The following G2E3 variants were observed in gnomAD, a reference collection of about 807,000 sequenced individuals.
G2E3 encodes the protein G2/M-phase specific E3 ubiquitin protein ligase.
A neutral mutation model predicts 92.8 loss-of-function variants in G2E3; 35 were observed. The ratio of observed to expected loss-of-function variants is 0.38; its 90% CI spans 0.29 to 0.50. The LOEUF is 0.50. Ranked by LOEUF, G2E3 falls within the 20% of genes least tolerant of loss-of-function variation. The probability of loss-of-function intolerance (pLI) is 0.94; values close to 1 mark genes in which losing one functional copy is unlikely to be tolerated. For missense variants in G2E3, 554 were observed against 823.8 expected, an observed-to-expected ratio of 0.67 and a Z score of 4.01; for synonymous variants, 242 against 272.4, an observed-to-expected ratio of 0.89 and a Z score of 1.10.
intron 1 of G2E3, among the ~76,000 whole-genome samples, chr14:30,564,721 G>A (rs979577354): frequency 1.8e-4 from 27 of 148,772 alleles, no homozygotes; most frequent in African/African-American, 6.3e-4. Flanking sequence ...TCCAAAACAT[G>A]TAACCTTTTA....
chr14:30,612,495 T>G, intron 13 of G2E3, 116 bp downstream of exon 13: 1 of 652,532 alleles, frequency 1.5e-6, no homozygotes, highest in South Asian at 2.3e-5. Context: ...AGAAAAAAAT[T>G]TAAATGCTAT....
At chr14:30,560,790 G>C (rs1879049856) in intron 1 of G2E3, 1 of 702,124 alleles carries the variant, frequency 1.4e-6, no homozygotes, top group Non-Finnish European at 2.6e-6. Flanking sequence ...CTCAGATTCT[G>C]AATCAGTAGG....
chr14:30,595,339 A>G (rs1881227663), intron 6 of G2E3, among the ~76,000 whole-genome samples: 1 of 152,248 alleles, frequency 6.6e-6, no homozygotes, highest in Non-Finnish European at 1.5e-5. Flanking sequence ...TTGGATGAAT[A>G]TAATTGCTGC....
intron 1 of G2E3, among the ~76,000 whole-genome samples, chr14:30,564,593 C>G (rs1251184706): frequency 3.3e-5 from 5 of 152,158 alleles, no homozygotes; most frequent in Non-Finnish European, 7.3e-5. Flanking sequence ...CTCAGCCTCC[C>G]AAAGTGCTGG....
intron 3 of G2E3, among the ~76,000 whole-genome samples, chr14:30,589,114 TTTTCTTTTTC>T (rs753958561): frequency 6.6e-6 from 1 of 152,040 alleles, no homozygotes; most frequent in Non-Finnish European, 1.5e-5. Context: ...CTTTCCTATC[TTTTCTTTTTC>T]TTTCTTTTTC....
rs991209831 is a variant in G2E3, at chr14:30,607,747, C to G, written c.1319-141C>G. The stretch of plus-strand genomic sequence containing the variant: ...TCTTTTTTTATATTTTAGGTAAGAT[C>G]TATATTTTCTACATAATGATAGCTT... On this transcript the variant is annotated intron_variant, in intron 11 of 14. Coordinates refer to ENST00000206595, the MANE Select transcript of G2E3 (RefSeq NM_017769.5). The G allele has an allele frequency of 7.6e-6, 4 of 527,942 alleles. No homozygotes were observed. The South Asian group carries it at 1.1e-4, about 15-fold the overall frequency. The allele number at this position is 527,942 out of a possible 1,614,324, so 32.7% of individuals were successfully genotyped here.
intron 1 of G2E3, among the ~76,000 whole-genome samples, chr14:30,572,327 A>G (rs1879815924): frequency 2.0e-5 from 3 of 152,158 alleles, no homozygotes; most frequent in Admixed American, 2.0e-4. Context: ...ACACTGTTGA[A>G]TCAGAGACTA....
At chr14:30,570,166 G>C (rs1879674025) in intron 1 of G2E3, among the ~76,000 whole-genome samples, 1 of 152,078 alleles carries the variant, frequency 6.6e-6, no homozygotes, top group Admixed American at 6.5e-5. Flanking sequence ...GAACTCTATG[G>C]TTTCAAATGA....
chr14:30,574,263 C>G (rs1406525710), intron 1 of G2E3, among the ~76,000 whole-genome samples: 2 of 152,100 alleles, frequency 1.3e-5, no homozygotes, highest in Non-Finnish European at 2.9e-5. Context: ...ATACCAATTT[C>G]AGGAAACTTA....
intron 5 of G2E3, 100 bp from the exon 6 acceptor site, chr14:30,593,374 C>T: frequency 1.6e-6 from 1 of 613,992 alleles, no homozygotes; most frequent in Non-Finnish European, 2.8e-6. Flanking sequence ...AATTATGAGA[C>T]AGACACAAAT....
intron 11 of G2E3, 80 bp from the exon 12 acceptor site, chr14:30,607,808 G>T: frequency 8.8e-6 from 6 of 677,986 alleles, no homozygotes; most frequent in South Asian, 2.3e-5. Context: ...TAGATTTTTG[G>T]ACTAATTTTT....
intron 4 of G2E3, chr14:30,590,549 A>G (rs905256292): frequency 1.0e-5 from 4 of 392,642 alleles, no homozygotes; most frequent in African/African-American, 2.1e-5. Context: ...ATTAAGGAGG[A>G]TGGAAAAATA....
chr14:30,559,473 T>G (rs2138741398), intron 1 of G2E3: 1 of 152,278 alleles, frequency 6.6e-6, no homozygotes, highest in East Asian at 1.9e-4. Flanking sequence ...CTCTCGACGG[T>G]TGCGCACGCC....
chr14:30,588,192 G>A (rs560080198), intron 3 of G2E3, among the ~76,000 whole-genome samples: 2 of 148,992 alleles, frequency 1.3e-5, no homozygotes, highest in Admixed American at 6.6e-5. Flanking sequence ...TTCCATTTTT[G>A]TAAGTTTATT....
intron 2 of G2E3, among the ~76,000 whole-genome samples, chr14:30,585,533 C>G (rs1463465542): frequency 6.6e-6 from 1 of 151,702 alleles, no homozygotes; most frequent in African/African-American, 2.4e-5. Flanking sequence ...TATGTCACTA[C>G]CACACTGTTT....
At chr14:30,608,189 A>G (rs229230) in intron 12 of G2E3, 120 bp downstream of exon 12, 31,084 of 595,036 alleles carry the variant, frequency 0.052, 1,300 homozygotes, top group African/African-American at 0.16. Flanking sequence ...TTGTAAACAT[A>G]TATTTCTGTT....
chr14:30,601,924 TTTA>T (rs1187902707), intron 9 of G2E3, 30 bp downstream of exon 9: 1 of 1,606,560 alleles, frequency 6.2e-7, no homozygotes, highest in Non-Finnish European at 8.5e-7. Context: ...GAATAAAGTT[TTTA>T]TTCAAATGTA....
intron 4 of G2E3, chr14:30,590,711 A>C (rs1434743010): frequency 4.4e-6 from 2 of 455,954 alleles, no homozygotes; most frequent in South Asian, 3.1e-5. Flanking sequence ...CACAAGGAAG[A>C]ACCGTGGGAG....
rs1469331292 is a variant in G2E3 at position 30,617,148 on chromosome 14, G to A, written c.*614G>A. 1 of 151,954 alleles carries A rather than the reference G, an allele frequency of 6.6e-6. No individual in the cohort carries two copies. Among genetic ancestry groups the A allele is most frequent in the Non-Finnish European group, 1.5e-5 (1 of 67,972 alleles). 9.4% of individuals were successfully genotyped at this position (151,954 alleles called of 1,614,324 possible). A position where few individuals can be genotyped will look rare whatever the true frequency, so the allele number is the denominator to read the frequency against. On this transcript the variant is annotated 3_prime_UTR_variant, in exon 15 of 15. Coordinates refer to ENST00000206595, the MANE Select transcript of G2E3 (RefSeq NM_017769.5). ...CCTAGTGGGAAGTATTATATAAAAA[G>A]CAGAATTAAGCTGGGCACATGTGCT...
Sources: gnomAD v4.1 joint callset for allele counts (sites outside exome capture counted in the v4.1 genomes callset) on GRCh38, gnomAD v4.1.1 for gene constraint, MANE v1.5 for transcripts, NCBI Gene and HGNC (gene_info 2026-07-23, HGNC 2026-07-21) for gene names.